Variants in AGAP1 observed in about 807,000 individuals in gnomAD.
AGAP1 encodes arf-GAP with GTPase, ANK repeat and PH domain-containing protein 1.
In AGAP1, 29 loss-of-function variants were observed where a neutral mutation model predicts 105.3. That is an observed-to-expected ratio of 0.28 (90% CI 0.21 to 0.38). The LOEUF (loss-of-function observed/expected upper bound fraction) is 0.38, where lower values mean the gene tolerates loss of function less well. Ranked by LOEUF, AGAP1 falls within the 10% of genes least tolerant of loss-of-function variation. The pLI is 1.00. For missense variants in AGAP1, 998 were observed against 1,165.1 expected (o/e 0.86, Z 2.09); for synonymous variants, 509 against 485.9 (o/e 1.05, Z -0.63).
intron 1 of AGAP1, among the ~76,000 whole-genome samples, chr2:235,676,922 C>T (rs1476982738): frequency 3.3e-5 from 5 of 152,022 alleles, no homozygotes; most frequent in South Asian, 4.1e-4. Context: ...TTAAGGTCAA[C>T]GGATTAGCAA....
At position 235,611,827 on chromosome 2, in the gene AGAP1, A is replaced by G. The variant is rs766979307; in HGVS notation, c.164-97352A>G. Among the ~76,000 whole-genome samples the G allele has an allele frequency of 1.3e-5, 2 of 152,222 alleles. No individual in the cohort carries two copies. Among genetic ancestry groups the G allele is most frequent in the Admixed American group, 1.3e-4 (2 of 15,284 alleles). On this transcript the variant is annotated intron_variant, in intron 1 of 17. Transcript: ENST00000304032. This position sits in a 1 kb window ranked among gnomAD's most constrained non-coding sequence, Gnocchi z 5.0. ...TAGTTTTCATATAAATTAGATTTAC[A>G]TAGGAGACAAAGAAATCCTTCCCTC...
rs919620125 is a variant in AGAP1 at position 235,867,832 on chromosome 2, C to T, written c.1051-15513C>T. 2.6e-5 allele frequency among the ~76,000 whole-genome samples: 4 copies of T among 152,118 alleles called. No homozygotes were observed. Among genetic ancestry groups the T allele is most frequent in the Non-Finnish European group, 5.9e-5 (4 of 68,020 alleles). On this transcript the variant is annotated intron_variant, in intron 9 of 17. Transcript: ENST00000304032. The surrounding 1 kb of genome is among the most constrained non-coding windows in gnomAD (Gnocchi z 5.4). ...GAAGAATAGGTCACAGCTTGTATGA[C>T]CCGTGTGCTTCTCCAGTTTCCAATG...
At chr2:235,688,117 G>A (rs1434075819) in intron 1 of AGAP1, among the ~76,000 whole-genome samples, 2 of 152,074 alleles carry the variant, frequency 1.3e-5, no homozygotes, top group East Asian at 1.9e-4. Context: ...GGCCAGGCTG[G>A]TCTCAAAGTC....
intron 13 of AGAP1, among the ~76,000 whole-genome samples, chr2:236,033,721 A>G (rs568646200): frequency 5.3e-5 from 8 of 152,326 alleles, no homozygotes; most frequent in African/African-American, 1.9e-4. Context: ...GCAGCTGAGG[A>G]CCACAGTGAC....
chr2:235,929,426 A>T lies in AGAP1; in HGVS notation c.1325-1339A>T, dbSNP rs562781934. Among the ~76,000 whole-genome samples the T allele has an allele frequency of 1.2e-4, 19 of 152,278 alleles. No individual in the cohort carries two copies. The South Asian group carries it at 3.7e-3, about 30-fold the overall frequency. On this transcript the variant is annotated intron_variant, in intron 11 of 17. Coordinates refer to ENST00000304032, the MANE Select transcript of AGAP1 (RefSeq NM_001037131.3). ...TGTGGGCTTTTTTCTGGAATCAAGC[A>T]GACCTGCCTATGAATAATTTCCCTT...
chr2:236,019,956 A>G (rs1404541994), intron 13 of AGAP1, among the ~76,000 whole-genome samples: 1 of 152,206 alleles, frequency 6.6e-6, no homozygotes, highest in African/African-American at 2.4e-5. Flanking sequence ...TGCAGTGAGC[A>G]TTCTCCAGGC....
At chr2:235,952,930 T>C (rs928820676) in intron 12 of AGAP1, among the ~76,000 whole-genome samples, 36 of 152,238 alleles carry the variant, frequency 2.4e-4, no homozygotes, top group African/African-American at 8.7e-4. Context: ...AGAGCCAGAG[T>C]ATTGCTCTGT....
At position 235,877,343 on chromosome 2, in the gene AGAP1, A is replaced by G. The variant is rs1348092882; in HGVS notation, c.1051-6002A>G. Among the ~76,000 whole-genome samples the G allele has an allele frequency of 6.6e-6, 1 of 152,154 alleles. No individual in the cohort carries two copies. Among genetic ancestry groups the G allele is most frequent in the Non-Finnish European group, 1.5e-5 (1 of 68,036 alleles). ...ATTTACTGTGCATTTAATGTTAAGG[A>G]TGATGATGTTTTGCTGAAACAAAAT... On this transcript the variant is annotated intron_variant, in intron 9 of 17. Transcript: ENST00000304032. The surrounding 1 kb of genome is among the most constrained non-coding windows in gnomAD (Gnocchi z 4.3).
chr2:235,519,274 T>C (rs548732120), intron 1 of AGAP1, among the ~76,000 whole-genome samples: 147 of 152,154 alleles, frequency 9.7e-4, no homozygotes, highest in Admixed American at 1.9e-3. Context: ...GGCAGGGTCT[T>C]GCTGTGTTGC....
Position 235,623,727 on chromosome 2 carries a change from A to G in AGAP1, c.164-85452A>G, listed in dbSNP as rs1444555459. On this transcript the variant is annotated intron_variant, in intron 1 of 17. Coordinates refer to ENST00000304032, the MANE Select transcript of AGAP1 (RefSeq NM_001037131.3). The surrounding 1 kb of genome is among the most constrained non-coding windows in gnomAD (Gnocchi z 4.5). Reference sequence around the variant, plus strand: ...TTTGGACATTTTCTCAGAATGAATGATACATCTCTGCTTTCAGCCTCCCTA... The same window carrying G: ...TTTGGACATTTTCTCAGAATGAATGGTACATCTCTGCTTTCAGCCTCCCTA... 6.6e-6 allele frequency among the ~76,000 whole-genome samples: 1 copy of G among 152,142 alleles called. No individual in the cohort carries two copies. The highest frequency in any genetic ancestry group is 2.4e-5 in the African/African-American group (1 of 41,426).
intron 6 of AGAP1, among the ~76,000 whole-genome samples, chr2:235,770,809 C>A (rs940304267): frequency 3.9e-5 from 6 of 151,968 alleles, no homozygotes; most frequent in Non-Finnish European, 8.8e-5. Flanking sequence ...ACCCCTGTAC[C>A]GAGATGGTGT....
chr2:235,522,804 A>G (rs940010890), intron 1 of AGAP1, among the ~76,000 whole-genome samples: 2 of 152,102 alleles, frequency 1.3e-5, no homozygotes, highest in Non-Finnish European at 1.5e-5. Context: ...CTTTATGGTG[A>G]TATCTGTTTG....
At chr2:235,952,919 A>G (rs1418998115) in intron 12 of AGAP1, among the ~76,000 whole-genome samples, 2 of 152,166 alleles carry the variant, frequency 1.3e-5, no homozygotes, top group Non-Finnish European at 2.9e-5. Flanking sequence ...GGGCGGCTCC[A>G]AGAGCCAGAG....
At chr2:235,613,387 G>A (rs925133550) in intron 1 of AGAP1, among the ~76,000 whole-genome samples, 14 of 152,176 alleles carry the variant, frequency 9.2e-5, no homozygotes, top group African/African-American at 3.1e-4. Context: ...ATAAGCAAAT[G>A]GGTTCTATCT....
chr2:236,071,181 C>G (rs561164675), intron 16 of AGAP1, among the ~76,000 whole-genome samples: 3 of 152,262 alleles, frequency 2.0e-5, no homozygotes, highest in African/African-American at 7.2e-5. Context: ...TGGCCTTAGC[C>G]CCGAATAATC....
At chr2:235,956,300 C>T (rs1319127081) in intron 12 of AGAP1, among the ~76,000 whole-genome samples, 2 of 152,178 alleles carry the variant, frequency 1.3e-5, no homozygotes, top group East Asian at 1.9e-4. Context: ...CTTTGTGCTG[C>T]TTGCATTCAG....
chr2:235,508,461 G>A (rs1172538636), intron 1 of AGAP1, among the ~76,000 whole-genome samples: 2 of 152,264 alleles, frequency 1.3e-5, no homozygotes, highest in East Asian at 3.9e-4. Flanking sequence ...TCACATTCAC[G>A]CTCGGTTTTT....
At chr2:235,885,080 A>G (rs994972772) in intron 10 of AGAP1, among the ~76,000 whole-genome samples, 1 of 152,214 alleles carries the variant, frequency 6.6e-6, no homozygotes, top group African/African-American at 2.4e-5. Flanking sequence ...AGAAGTTAGA[A>G]ATAGCATATT....
At chr2:235,949,122 G>A (rs2053622273) in intron 12 of AGAP1, among the ~76,000 whole-genome samples, 1 of 152,190 alleles carries the variant, frequency 6.6e-6, no homozygotes, top group African/African-American at 2.4e-5. Context: ...GGCATGAGCA[G>A]ATTGGTTTTT....
Sources: gnomAD v4.1 joint callset for allele counts (sites outside exome capture counted in the v4.1 genomes callset) on GRCh38, gnomAD v4.1.1 for gene constraint, Gnocchi (gnomAD v3.1) non-coding constraint, MANE v1.5 for transcripts, NCBI Gene and HGNC (gene_info 2026-07-23, HGNC 2026-07-21) for gene names.